Variants in MAGI2 observed in about 807,000 individuals in gnomAD.
The protein encoded by MAGI2 is membrane associated guanylate kinase, WW and PDZ domain containing 2, also known as membrane-associated guanylate kinase, WW and PDZ domain-containing protein 2.
A neutral mutation model predicts 133.3 loss-of-function variants in MAGI2; 35 were observed. The observed-to-expected ratio is 0.26, with a 90% CI of 0.20 to 0.35. MAGI2 has a LOEUF of 0.35. Among genes scored for constraint, MAGI2 ranks in the 10% least tolerant of loss-of-function variants. MAGI2 has a pLI of 1.00. For missense variants in MAGI2, 1,636 were observed against 1,863.4 expected (o/e 0.88, Z 2.25); for synonymous variants, 729 against 710.6 (o/e 1.03, Z -0.41).
Position 78,971,654 on chromosome 7 carries a change from G to A in MAGI2, c.418+35436C>T, listed in dbSNP as rs1409857589. On this transcript the variant is annotated intron_variant, in intron 2 of 21. Coordinates refer to ENST00000354212, the MANE Select transcript of MAGI2 (RefSeq NM_012301.4). ...TTAAGTTTGGCCACCCTACTTTCAG[G>A]TCATACATTGGATGTAGTACAGCTC... Among the ~76,000 whole-genome samples the A allele has an allele frequency of 6.6e-5, 10 of 151,998 alleles. 1 individual carries two copies. In the South Asian group the frequency reaches 1.5e-3, roughly 22 times the overall value.
chr7:78,659,424 CAAAAAAAAAAAAAAAA>C (rs71085553), intron 2 of MAGI2, among the ~76,000 whole-genome samples: 1 of 23,676 alleles, frequency 4.2e-5, no homozygotes, highest in Non-Finnish European at 7.0e-5. Context: ...GACTTCATCT[CAAAAAAAAAAAAAAAA>C]AAAAAAAAAA....
At chr7:79,196,497 T>A (rs1828094471) in intron 1 of MAGI2, among the ~76,000 whole-genome samples, 1 of 151,958 alleles carries the variant, frequency 6.6e-6, no homozygotes, top group Non-Finnish European at 1.5e-5. Context: ...TGACTTTCTC[T>A]TATGCAAATT....
At chr7:78,039,788 G>A (rs1287024848) in intron 21 of MAGI2, among the ~76,000 whole-genome samples, 1 of 152,228 alleles carries the variant, frequency 6.6e-6, no homozygotes, top group Non-Finnish European at 1.5e-5. Flanking sequence ...TTGACAAAGG[G>A]TAGAGTGATT....
At chr7:79,274,676 G>GT (rs2129557474) in intron 1 of MAGI2, among the ~76,000 whole-genome samples, 1 of 151,962 alleles carries the variant, frequency 6.6e-6, no homozygotes, top group East Asian at 1.9e-4. Flanking sequence ...GTATTATTGT[G>GT]TTTCACTTTA....
In MAGI2 at chr7:78,788,924, T is replaced by C. The variant is rs577089316; in HGVS notation, c.419-161685A>G. Among the ~76,000 whole-genome samples the C allele has an allele frequency of 1.2e-4, 18 of 152,284 alleles. No individual in the cohort carries two copies. In the East Asian group the frequency reaches 3.1e-3, roughly 26 times the overall value. ...ATGTAAGGTGTGGCTCGTCTGCCTCTGTACCCCTACGAGAGGCCCGCTCCT... is the reference window on the plus strand; with the variant it reads ...ATGTAAGGTGTGGCTCGTCTGCCTCCGTACCCCTACGAGAGGCCCGCTCCT... On this transcript the variant is annotated intron_variant, in intron 2 of 21. Transcript: ENST00000354212.
At chr7:78,616,737 C>T (rs1264926308) in intron 3 of MAGI2, 1 of 152,114 alleles carries the variant, frequency 6.6e-6, no homozygotes, top group Non-Finnish European at 1.5e-5. Flanking sequence ...AAGTATTGGC[C>T]TAGAGCCAAG....
At chr7:79,127,794 T>C (rs954710750) in intron 1 of MAGI2, among the ~76,000 whole-genome samples, 9 of 152,216 alleles carry the variant, frequency 5.9e-5, no homozygotes, top group African/African-American at 2.2e-4. Context: ...GCAGAAGCTC[T>C]TTACTTTAAT....
At chr7:78,588,011 T>C (rs1238022737) in intron 3 of MAGI2, among the ~76,000 whole-genome samples, 1 of 152,236 alleles carries the variant, frequency 6.6e-6, no homozygotes, top group Non-Finnish European at 1.5e-5. Context: ...AGCTGTTTAC[T>C]GGCTGTGTGT....
At position 78,600,857 on chromosome 7, in the gene MAGI2, C is replaced by T. The variant is rs1449496509; in HGVS notation, c.538+26263G>A. On this transcript the variant is annotated intron_variant, in intron 3 of 21. Transcript: ENST00000354212. ...ATCAACAAATAGTAGTATAAAATTA[C>T]TTTTAAAATGTGAACTGTATTTCAG... Among the ~76,000 whole-genome samples the T allele has an allele frequency of 1.3e-4, 20 of 152,020 alleles. 1 individual carries two copies. Among genetic ancestry groups the T allele is most frequent in the Admixed American group, 1.3e-3 (20 of 15,260 alleles).
intron 2 of MAGI2, among the ~76,000 whole-genome samples, chr7:78,638,851 A>G (rs1264092741): frequency 6.6e-6 from 1 of 152,220 alleles, no homozygotes. Flanking sequence ...ATTCTATAGA[A>G]TTAATAAAAG....
intron 3 of MAGI2, among the ~76,000 whole-genome samples, chr7:78,624,496 G>A (rs546232059): frequency 6.6e-6 from 1 of 152,230 alleles, no homozygotes; most frequent in South Asian, 2.1e-4. Flanking sequence ...GTCCTTTGCA[G>A]GGACATGGAT....
At chr7:79,086,389 C>G (rs1028623571) in intron 1 of MAGI2, among the ~76,000 whole-genome samples, 7 of 151,782 alleles carry the variant, frequency 4.6e-5, no homozygotes, top group Admixed American at 4.6e-4. Flanking sequence ...AGTTGTGAAG[C>G]TGATAATATT....
intron 9 of MAGI2, among the ~76,000 whole-genome samples, chr7:78,316,442 G>A (rs1787418233): frequency 6.6e-6 from 1 of 152,138 alleles, no homozygotes; most frequent in African/African-American, 2.4e-5. Context: ...ACTCCAAGTG[G>A]TGTTAATGAC....
chr7:79,203,338 G>A (rs894135184), intron 1 of MAGI2, among the ~76,000 whole-genome samples: 1 of 151,842 alleles, frequency 6.6e-6, no homozygotes, highest in Non-Finnish European at 1.5e-5. Flanking sequence ...GTCACCAAGG[G>A]CTTCCCACTG....
chr7:78,991,315 C>T (rs1338119894), intron 2 of MAGI2, among the ~76,000 whole-genome samples: 1 of 146,026 alleles, frequency 6.8e-6, no homozygotes, highest in Non-Finnish European at 1.5e-5. Context: ...TAGACACACA[C>T]ATACACACAC....
intron 2 of MAGI2, among the ~76,000 whole-genome samples, chr7:78,889,009 A>T (rs552132140): frequency 1.3e-5 from 2 of 152,358 alleles, no homozygotes; most frequent in South Asian, 4.1e-4. Flanking sequence ...TCTAACTAGA[A>T]TAATCAATGC....
Position 79,300,206 on chromosome 7 carries a change from G to T in MAGI2, c.301+152814C>A, listed in dbSNP as rs564725559. On this transcript the variant is annotated intron_variant, in intron 1 of 21. Coordinates refer to ENST00000354212, the MANE Select transcript of MAGI2 (RefSeq NM_012301.4). ...GGGCAGAGGTTAGAAGAGTTTGGAG[G>T]GCTCAGAGGAAGACAAGATGATGAG... Among the ~76,000 whole-genome samples the T allele has an allele frequency of 8.5e-5, 13 of 152,272 alleles. No individual in the cohort carries two copies. The South Asian group carries it at 2.7e-3, about 32-fold the overall frequency.
At chr7:78,368,171 A>T (rs1269127339) in intron 7 of MAGI2, among the ~76,000 whole-genome samples, 2 of 152,216 alleles carry the variant, frequency 1.3e-5, no homozygotes, top group Non-Finnish European at 2.9e-5. Flanking sequence ...GAGCACACAG[A>T]TTTTACTTAT....
intron 21 of MAGI2, among the ~76,000 whole-genome samples, chr7:78,046,698 A>C (rs1225038981): frequency 6.6e-6 from 1 of 152,196 alleles, no homozygotes; most frequent in African/African-American, 2.4e-5. Context: ...ATAGCTCTAA[A>C]AAAAAACCCA....
Sources: allele counts gnomAD v4.1 joint callset (sites outside exome capture counted in the v4.1 genomes callset), GRCh38; gene constraint gnomAD v4.1.1; transcripts MANE v1.5; gene names NCBI Gene and HGNC (gene_info 2026-07-23, HGNC 2026-07-21).